The following CCDC18 variants were observed in gnomAD, a reference collection of about 807,000 sequenced individuals.
CCDC18 encodes the protein coiled-coil domain containing 18.
Under a neutral mutation model 196.0 loss-of-function variants are expected in CCDC18, and 157 were observed. The ratio of observed to expected loss-of-function variants is 0.80; its 90% CI spans 0.70 to 0.91. The LOEUF (loss-of-function observed/expected upper bound fraction) is 0.91. Among genes scored for constraint, CCDC18 ranks in the 40% least tolerant of loss-of-function variants. The pLI is 0.00. For synonymous variants in CCDC18, 482 were observed against 529.2 expected (o/e 0.91, Z 1.22); for missense variants, 1,465 against 1,611.6 (o/e 0.91, Z 1.56).
intron 7 of CCDC18, 38 bp from the exon 8 acceptor site, chr1:93,205,471 AC>A (rs950320902): frequency 1.3e-6 from 2 of 1,538,952 alleles, no homozygotes; most frequent in African/African-American, 1.4e-5. Flanking sequence ...CCTAAAACTT[AC>A]AACCACATTA....
chr1:93,249,878 G>A (rs1279027406), intron 23 of CCDC18, among the ~76,000 whole-genome samples: 1 of 151,700 alleles, frequency 6.6e-6, no homozygotes, highest in African/African-American at 2.4e-5. Flanking sequence ...TTTCCTCTTG[G>A]TACTGCATTC....
chr1:93,214,613 A>G (rs1656190084), intron 11 of CCDC18, 130 bp from the exon 12 acceptor site: 3 of 606,212 alleles, frequency 4.9e-6, no homozygotes, highest in Non-Finnish European at 8.7e-6. Context: ...TGAATGTCTC[A>G]TTCTCTGTCC....
intron 6 of CCDC18, among the ~76,000 whole-genome samples, chr1:93,199,496 G>A (rs548965418): frequency 2.0e-5 from 3 of 152,330 alleles, no homozygotes; most frequent in South Asian, 4.1e-4. Flanking sequence ...GCCCTGGCTC[G>A]GGAAGCTCAT....
chr1:93,209,126 T>C (rs1026638799), intron 9 of CCDC18, among the ~76,000 whole-genome samples: 12 of 152,096 alleles, frequency 7.9e-5, no homozygotes, highest in Admixed American at 5.9e-4. Context: ...GCCCAGCTAA[T>C]TTTGTATTTT....
chr1:93,226,042 C>T (rs551783965), intron 16 of CCDC18, among the ~76,000 whole-genome samples: 6 of 152,268 alleles, frequency 3.9e-5, no homozygotes, highest in East Asian at 1.9e-4. Context: ...CACTCCCTTT[C>T]GCAGGGCCTT....
rs1649453679 is a variant in CCDC18 at position 93,180,771 on chromosome 1, CCG to C, written c.-83_-82del. On this transcript the variant is annotated 5_prime_UTR_variant, in exon 1 of 29. Transcript: ENST00000690025. ...GGTTCGCTGGTTCTCCGAGTTGTGT[CCG>C]AGGCTTCCACGCGCAGGGGCCCGGG... is the stretch of plus-strand genomic sequence containing the variant. 1 of 1,367,574 alleles carries C rather than the reference CCG, an allele frequency of 7.3e-7. No homozygotes were observed. The highest frequency in any genetic ancestry group is 1.5e-5 in the African/African-American group (1 of 67,708). 84.7% of individuals were successfully genotyped at this position (1,367,574 alleles called of 1,614,324 possible). A position where few individuals can be genotyped will look rare whatever the true frequency, so the allele number is the denominator to read the frequency against.
At chr1:93,250,386 A>AT (rs1323676299) in intron 23 of CCDC18, among the ~76,000 whole-genome samples, 1 of 151,622 alleles carries the variant, frequency 6.6e-6, no homozygotes, top group Non-Finnish European at 1.5e-5. Flanking sequence ...GTCAAAAAAA[A>AT]AAAAAAAAAA....
In CCDC18 at chr1:93,217,859, A is replaced by G; in HGVS notation, c.1952A>G (p.Gln651Arg). The change falls in exon 14 of 29, where the codon CAG (glutamine) becomes CGG (arginine). Residue 651 changes from glutamine (Q) to arginine (R), a missense_variant. Coordinates refer to ENST00000690025, the MANE Select transcript of CCDC18 (RefSeq NM_001378204.1). ...GAACAGCATAAAGAAATGGAAAAGC[A>G]GATTGAAAGAGTAAGTAATACATAT... ...HLEQHKEMEK[Q>R]IERLEAQLEK... The G allele has an allele frequency of 6.2e-7, 1 of 1,609,514 alleles. No individual in the cohort carries two copies. Among genetic ancestry groups the G allele is most frequent in the South Asian group, 1.1e-5 (1 of 90,840 alleles).
intron 4 of CCDC18, among the ~76,000 whole-genome samples, chr1:93,188,255 A>G (rs1651063591): frequency 6.6e-6 from 1 of 152,188 alleles, no homozygotes; most frequent in Non-Finnish European, 1.5e-5. Flanking sequence ...ATCAATCAAT[A>G]TATTCATAAC....
At chr1:93,253,315 G>A (rs954785256) in intron 23 of CCDC18, among the ~76,000 whole-genome samples, 1 of 152,136 alleles carries the variant, frequency 6.6e-6, no homozygotes, top group Non-Finnish European at 1.5e-5. Flanking sequence ...TTCCCTGTCT[G>A]CAGTGGGAGG....
At chr1:93,199,275 C>T (rs944321799) in intron 6 of CCDC18, among the ~76,000 whole-genome samples, 5 of 152,358 alleles carry the variant, frequency 3.3e-5, no homozygotes, top group South Asian at 2.1e-4. Flanking sequence ...GGTGTGTGAA[C>T]GACCATAGGG....
At chr1:93,243,715 T>G (rs990295619) in intron 21 of CCDC18, among the ~76,000 whole-genome samples, 4 of 152,198 alleles carry the variant, frequency 2.6e-5, no homozygotes, top group African/African-American at 9.6e-5. Flanking sequence ...CACAAATCTC[T>G]AGGGCAGGGG....
chr1:93,195,795 G>A (rs544169933), intron 6 of CCDC18, among the ~76,000 whole-genome samples: 8 of 152,264 alleles, frequency 5.3e-5, no homozygotes, highest in Middle Eastern at 3.4e-3. Context: ...CCCAGCCTCC[G>A]GAACTGTGAG....
At chr1:93,204,768 A>G (rs1329912823) in intron 7 of CCDC18, among the ~76,000 whole-genome samples, 1 of 151,876 alleles carries the variant, frequency 6.6e-6, no homozygotes, top group Admixed American at 6.6e-5. Flanking sequence ...TTTTATTATT[A>G]TTATACTTTA....
intron 18 of CCDC18, among the ~76,000 whole-genome samples, chr1:93,235,006 G>A (rs1178665279): frequency 8.0e-6 from 1 of 124,882 alleles, no homozygotes; most frequent in East Asian, 2.5e-4. Context: ...TTTTTTTTTG[G>A]TAGAGACAGA....
chr1:93,253,424 C>A (rs974075669), intron 23 of CCDC18, among the ~76,000 whole-genome samples: 6 of 152,076 alleles, frequency 3.9e-5, no homozygotes, highest in African/African-American at 1.4e-4. Flanking sequence ...CCCAGCAAGT[C>A]CCTGCACAGA....
chr1:93,210,058 C>A (rs615416), intron 9 of CCDC18, among the ~76,000 whole-genome samples: 108,497 of 152,052 alleles, frequency 0.71, 41,920 homozygotes, highest in East Asian at 0.96. Context: ...CCCTGTCTCT[C>A]AAAAAAGAAT....
At chr1:93,260,018 G>T (rs532796511) in intron 26 of CCDC18, among the ~76,000 whole-genome samples, 4 of 152,182 alleles carry the variant, frequency 2.6e-5, no homozygotes, top group Non-Finnish European at 4.4e-5. Flanking sequence ...TGGGGTCTGT[G>T]TTGCTCAGAC....
At chr1:93,222,688 A>T (rs768098076) in intron 16 of CCDC18, among the ~76,000 whole-genome samples, 15 of 152,314 alleles carry the variant, frequency 9.8e-5, no homozygotes, top group Non-Finnish European at 1.9e-4. Context: ...TCATCCACAA[A>T]ATAGGAATGA....
Sources: allele counts gnomAD v4.1 joint callset (sites outside exome capture counted in the v4.1 genomes callset), GRCh38; gene constraint gnomAD v4.1.1; transcripts MANE v1.5; gene names NCBI Gene and HGNC (gene_info 2026-07-23, HGNC 2026-07-21).